The following NEGR1 variants were observed in gnomAD, a reference collection of about 807,000 sequenced individuals.
NEGR1 encodes the protein IgLON family member 4.
In NEGR1, 10 loss-of-function variants were observed where a neutral mutation model predicts 40.9. That is an observed-to-expected ratio of 0.24 (90% CI 0.15 to 0.42). The LOEUF (loss-of-function observed/expected upper bound fraction) is 0.42. NEGR1 is among the 10% of genes least tolerant of loss of function. The probability of loss-of-function intolerance (pLI) is 1.00; values close to 1 mark genes in which losing one functional copy is unlikely to be tolerated. For missense variants in NEGR1, 352 were observed against 438.9 expected (o/e 0.80, Z 1.77); for synonymous variants, 185 against 166.8 (o/e 1.11, Z -0.84).
At chr1:72,045,456 A>G (rs191712431) in intron 1 of NEGR1, among the ~76,000 whole-genome samples, 2 of 151,858 alleles carry the variant, frequency 1.3e-5, no homozygotes, top group Admixed American at 6.6e-5. Flanking sequence ...CAAATGGAAG[A>G]TGATTGAAAT....
intron 6 of NEGR1, among the ~76,000 whole-genome samples, chr1:71,530,455 C>G (rs1647317965): frequency 1.3e-5 from 2 of 151,262 alleles, no homozygotes; most frequent in African/African-American, 4.8e-5. Context: ...CTCTTTCAAT[C>G]CTGCTATAAC....
At chr1:72,154,348 C>G (rs1040091372) in intron 1 of NEGR1, among the ~76,000 whole-genome samples, 1 of 151,930 alleles carries the variant, frequency 6.6e-6, no homozygotes, top group African/African-American at 2.4e-5. Context: ...TTATTCTGGT[C>G]TCTGGTCCAT....
intron 6 of NEGR1, among the ~76,000 whole-genome samples, chr1:71,591,402 T>C (rs1442830647): frequency 6.6e-6 from 1 of 152,196 alleles, no homozygotes; most frequent in Admixed American, 6.5e-5. Context: ...AAAATCAGAA[T>C]GTAATTTAGA....
chr1:71,991,436 C>T (rs889860185), intron 1 of NEGR1, among the ~76,000 whole-genome samples: 1 of 152,168 alleles, frequency 6.6e-6, no homozygotes, highest in Non-Finnish European at 1.5e-5. Flanking sequence ...AACACATTTA[C>T]ATTTTAAACA....
At chr1:71,410,864 T>G (rs1646315288) in intron 6 of NEGR1, among the ~76,000 whole-genome samples, 1 of 152,136 alleles carries the variant, frequency 6.6e-6, no homozygotes, top group Non-Finnish European at 1.5e-5. Flanking sequence ...TACTTGATCT[T>G]AAGAAAATAG....
intron 4 of NEGR1, among the ~76,000 whole-genome samples, chr1:71,683,204 T>C (rs1652899420): frequency 1.3e-5 from 2 of 152,110 alleles, no homozygotes; most frequent in Non-Finnish European, 2.9e-5. Flanking sequence ...ATGGGATGTA[T>C]CTCTTGTTCA....
chr1:72,163,227 A>G (rs900215961), intron 1 of NEGR1, among the ~76,000 whole-genome samples: 2 of 152,128 alleles, frequency 1.3e-5, no homozygotes, highest in Non-Finnish European at 2.9e-5. Context: ...TTCTTTTACA[A>G]TAAGTAATAT....
intron 4 of NEGR1, among the ~76,000 whole-genome samples, chr1:71,647,372 A>G (rs1419473240): frequency 6.6e-6 from 1 of 151,928 alleles, no homozygotes; most frequent in Non-Finnish European, 1.5e-5. Context: ...ATTTCGCTCA[A>G]TTCACAGGAT....
intron 1 of NEGR1, among the ~76,000 whole-genome samples, chr1:72,094,912 C>T (rs1380413882): frequency 2.0e-5 from 3 of 152,086 alleles, no homozygotes; most frequent in Non-Finnish European, 1.5e-5. Context: ...ATCAAAACTC[C>T]TAAAAGGTTA....
rs371296513 is a variant in NEGR1, at chr1:71,550,545, A to T, written c.940+42272T>A. ...GACACTAGGATCACAGATATAGAACATCCACACTCTCATTCAGGCTGTAAA... is the reference window on the plus strand; with the variant it reads ...GACACTAGGATCACAGATATAGAACTTCCACACTCTCATTCAGGCTGTAAA... On this transcript the variant is annotated intron_variant, in intron 6 of 6. Transcript: ENST00000357731. Among the ~76,000 whole-genome samples the T allele has an allele frequency of 2.0e-5, 3 of 151,462 alleles. No homozygotes were observed. In the East Asian group the frequency reaches 5.9e-4, roughly 30 times the overall value.
chr1:71,509,085 G>A (rs1445965755), intron 6 of NEGR1, among the ~76,000 whole-genome samples: 1 of 152,160 alleles, frequency 6.6e-6, no homozygotes, highest in Non-Finnish European at 1.5e-5. Flanking sequence ...ATTGAGACAG[G>A]GTAAGGGGAT....
At chr1:71,863,252 G>T (rs943994973) in intron 2 of NEGR1, among the ~76,000 whole-genome samples, 1 of 152,134 alleles carries the variant, frequency 6.6e-6, no homozygotes, top group African/African-American at 2.4e-5. Flanking sequence ...TATACACCAT[G>T]GAATACTATG....
At chr1:71,785,953 C>T (rs1656894441) in intron 2 of NEGR1, among the ~76,000 whole-genome samples, 1 of 152,144 alleles carries the variant, frequency 6.6e-6, no homozygotes, top group Non-Finnish European at 1.5e-5. Context: ...CTAAAAGCTG[C>T]TCTGGTGTTT....
At chr1:72,031,852 T>C (rs1646861486) in intron 1 of NEGR1, among the ~76,000 whole-genome samples, 1 of 152,140 alleles carries the variant, frequency 6.6e-6, no homozygotes, top group East Asian at 1.9e-4. Context: ...TGTGATACAT[T>C]CTGTACCACT....
chr1:71,902,920 G>T (rs114671767), intron 2 of NEGR1, among the ~76,000 whole-genome samples: 1 of 151,640 alleles, frequency 6.6e-6, no homozygotes, highest in Non-Finnish European at 1.5e-5. Flanking sequence ...TATTAATTAT[G>T]TTTTCATATA....
intron 1 of NEGR1, among the ~76,000 whole-genome samples, chr1:72,067,844 C>A (rs1026171362): frequency 5.3e-5 from 8 of 152,108 alleles, no homozygotes; most frequent in African/African-American, 1.9e-4. Flanking sequence ...TACTTCCTAT[C>A]ATTACTGAAG....
chr1:72,231,532 T>C (rs1557589629), intron 1 of NEGR1, among the ~76,000 whole-genome samples: 1 of 152,190 alleles, frequency 6.6e-6, no homozygotes, highest in Non-Finnish European at 1.5e-5. Context: ...ACTATAGTAT[T>C]ATGTGTTTGA....
At chr1:71,887,881 G>A (rs1431397066) in intron 2 of NEGR1, among the ~76,000 whole-genome samples, 2 of 151,864 alleles carry the variant, frequency 1.3e-5, no homozygotes, top group Non-Finnish European at 2.9e-5. Flanking sequence ...ATTCCTACAG[G>A]CTAATCTCCC....
chr1:71,680,793 G>A (rs1347856641), intron 4 of NEGR1, among the ~76,000 whole-genome samples: 2 of 152,148 alleles, frequency 1.3e-5, no homozygotes, highest in African/African-American at 2.4e-5. Context: ...ATTTATTAAA[G>A]TTTGCTCATT....
Sources: allele counts gnomAD v4.1 joint callset (sites outside exome capture counted in the v4.1 genomes callset), GRCh38; gene constraint gnomAD v4.1.1; transcripts MANE v1.5; gene names NCBI Gene and HGNC (gene_info 2026-07-23, HGNC 2026-07-21).